TRAK2: variants seen among roughly 807,000 people sequenced by gnomAD.
The protein encoded by TRAK2 is trafficking kinesin protein 2.
Under a neutral mutation model 104.6 loss-of-function variants are expected in TRAK2, and 81 were observed. That is an observed-to-expected ratio of 0.77 (90% CI 0.65 to 0.93). TRAK2 has a LOEUF of 0.93. Ranked by LOEUF, TRAK2 falls within the 40% of genes least tolerant of loss-of-function variation. The pLI is 0.00. For missense variants in TRAK2, 1,002 were observed against 1,089.0 expected (o/e 0.92, Z 1.12); for synonymous variants, 406 against 394.4 (o/e 1.03, Z -0.35).
intron 1 of TRAK2, among the ~76,000 whole-genome samples, chr2:201,446,970 CTG>C (rs1951969703): frequency 6.6e-6 from 1 of 152,236 alleles, no homozygotes; most frequent in Non-Finnish European, 1.5e-5. Context: ...TAAGGGTTAG[CTG>C]TGCCCTTTAT....
chr2:201,441,126 C>A (rs1302494377), intron 1 of TRAK2, among the ~76,000 whole-genome samples: 1 of 152,034 alleles, frequency 6.6e-6, no homozygotes, highest in African/African-American at 2.4e-5. Context: ...AAATGAATTG[C>A]CTTGAAAAAC....
intron 1 of TRAK2, among the ~76,000 whole-genome samples, chr2:201,430,338 C>G (rs1951831467): frequency 6.6e-6 from 1 of 152,200 alleles, no homozygotes; most frequent in African/African-American, 2.4e-5. Flanking sequence ...CTGGGAGAAC[C>G]ACTATTCTCT....
intron 1 of TRAK2, chr2:201,423,400 T>A (rs1325181606): frequency 6.6e-6 from 1 of 151,990 alleles, no homozygotes; most frequent in Admixed American, 6.6e-5. Flanking sequence ...GGCAAATCCA[T>A]AGTGACAAAG....
intron 1 of TRAK2, among the ~76,000 whole-genome samples, chr2:201,426,803 T>C (rs1951792577): frequency 6.6e-6 from 1 of 152,218 alleles, no homozygotes; most frequent in East Asian, 1.9e-4. Flanking sequence ...ATGTTCTTCC[T>C]GGAGACTTTT....
At chr2:201,442,206 C>T (rs1263459006) in intron 1 of TRAK2, among the ~76,000 whole-genome samples, 1 of 150,980 alleles carries the variant, frequency 6.6e-6, no homozygotes, top group Admixed American at 6.6e-5. Flanking sequence ...CTGGCTAACA[C>T]AGTGAAACCC....
At chr2:201,414,693 A>ATT (rs1297359861) in intron 2 of TRAK2, among the ~76,000 whole-genome samples, 5 of 152,138 alleles carry the variant, frequency 3.3e-5, no homozygotes, top group African/African-American at 4.8e-5. Context: ...CATATATCCA[A>ATT]ATTCTATTAT....
At chr2:201,385,194 C>T (rs1002676031) in intron 14 of TRAK2, among the ~76,000 whole-genome samples, 4 of 152,062 alleles carry the variant, frequency 2.6e-5, no homozygotes, top group Non-Finnish European at 4.4e-5. Flanking sequence ...AATATTTTTA[C>T]GTAATAAAAT....
chr2:201,446,216 A>G (rs1454072829), intron 1 of TRAK2, among the ~76,000 whole-genome samples: 3 of 151,996 alleles, frequency 2.0e-5, no homozygotes, highest in African/African-American at 4.8e-5. Flanking sequence ...ACCACACAAC[A>G]TATTCCAGCC....
intron 2 of TRAK2, chr2:201,411,697 G>A (rs1256510719): frequency 1.3e-6 from 1 of 780,366 alleles, no homozygotes; most frequent in African/African-American, 1.7e-5. Flanking sequence ...ATACCCATGA[G>A]GACTGCAGAC....
chr2:201,397,336 T>C (rs1257203362), intron 7 of TRAK2, among the ~76,000 whole-genome samples, 166 bp downstream of exon 7: 1 of 152,200 alleles, frequency 6.6e-6, no homozygotes, highest in Non-Finnish European at 1.5e-5. Flanking sequence ...ATATGGTATC[T>C]TATTTAGGGT....
At chr2:201,383,838 C>T (rs796755852) in intron 15 of TRAK2, among the ~76,000 whole-genome samples, 14 of 152,172 alleles carry the variant, frequency 9.2e-5, no homozygotes, top group East Asian at 3.9e-4. Context: ...GGGTATATTG[C>T]CCCAGCTGCG....
At chr2:201,417,159 C>T (rs1361770770) in intron 2 of TRAK2, among the ~76,000 whole-genome samples, 3 of 137,468 alleles carry the variant, frequency 2.2e-5, no homozygotes, top group Non-Finnish European at 4.7e-5. Flanking sequence ...CAAACTTTTT[C>T]CAAACACAGA....
At chr2:201,423,965 T>C (rs1951764803) in intron 1 of TRAK2, among the ~76,000 whole-genome samples, 1 of 152,206 alleles carries the variant, frequency 6.6e-6, no homozygotes, top group Admixed American at 6.5e-5. Flanking sequence ...CTCTAATATA[T>C]TAACTCAGAT....
At chr2:201,417,424 G>A (rs1951704314) in intron 2 of TRAK2, among the ~76,000 whole-genome samples, 1 of 151,732 alleles carries the variant, frequency 6.6e-6, no homozygotes, top group African/African-American at 2.4e-5. Context: ...GTTTTTTCCA[G>A]GAATGCAAGT....
chr2:201,429,453 G>A (rs552457016), intron 1 of TRAK2, among the ~76,000 whole-genome samples: 75 of 152,334 alleles, frequency 4.9e-4, no homozygotes, highest in African/African-American at 1.8e-3. Context: ...ATCCTGAAGA[G>A]TGTTTTCCAA....
In TRAK2 at chr2:201,395,934, C is replaced by T. The variant is rs184587207; in HGVS notation, c.770-490G>A. On this transcript the variant is annotated intron_variant, in intron 7 of 15. Transcript: ENST00000332624. ...TCTATAACAGAATGTGATAAAGCTA[C>T]GGAAATGCTTCTGTAGGAGACAGAC... Among the ~76,000 whole-genome samples the T allele has an allele frequency of 1.3e-3, 203 of 152,272 alleles. 1 individual carries two copies. Among genetic ancestry groups the T allele is most frequent in the African/African-American group, 4.6e-3 (190 of 41,568 alleles).
chr2:201,416,208 G>GA (rs1364176530), intron 2 of TRAK2, among the ~76,000 whole-genome samples: 1 of 117,440 alleles, frequency 8.5e-6, no homozygotes, highest in Non-Finnish European at 1.7e-5. Context: ...GCAACATAGT[G>GA]AAACCCTGAC....
chr2:201,434,294 G>A (rs988542196), intron 1 of TRAK2, among the ~76,000 whole-genome samples: 1 of 151,966 alleles, frequency 6.6e-6, no homozygotes, highest in Non-Finnish European at 1.5e-5. Context: ...TATCTAAATC[G>A]GTGTTTCTCA....
intron 2 of TRAK2, among the ~76,000 whole-genome samples, chr2:201,420,171 A>G (rs1172547555): frequency 6.6e-6 from 1 of 152,156 alleles, no homozygotes; most frequent in East Asian, 1.9e-4. Context: ...TGATGCAGCT[A>G]CTACTCACCG....
Sources: gnomAD v4.1 joint callset for allele counts (sites outside exome capture counted in the v4.1 genomes callset) on GRCh38, gnomAD v4.1.1 for gene constraint, MANE v1.5 for transcripts, NCBI Gene and HGNC (gene_info 2026-07-23, HGNC 2026-07-21) for gene names.